Variants in POU6F2 observed in about 807,000 individuals in gnomAD.
POU6F2 encodes the protein POU domain, class 6, transcription factor 2.
A neutral mutation model predicts 71.3 loss-of-function variants in POU6F2; 31 were observed. That is an observed-to-expected ratio of 0.43 (90% CI 0.33 to 0.59). The LOEUF (loss-of-function observed/expected upper bound fraction) is 0.59. Ranked by LOEUF, POU6F2 falls within the 20% of genes least tolerant of loss-of-function variation. The pLI is 0.04. For missense variants in POU6F2, 783 were observed against 856.8 expected (o/e 0.91, Z 1.07); for synonymous variants, 347 against 355.7 (o/e 0.98, Z 0.27).
At chr7:39,416,512 G>T (rs1485569124) in intron 6 of POU6F2, among the ~76,000 whole-genome samples, 1 of 152,194 alleles carries the variant, frequency 6.6e-6, no homozygotes, top group African/African-American at 2.4e-5. Flanking sequence ...ACACAGCACA[G>T]TGATGTTAGA....
At chr7:39,072,955 C>T (rs1790914006) in intron 1 of POU6F2, among the ~76,000 whole-genome samples, 1 of 152,128 alleles carries the variant, frequency 6.6e-6, no homozygotes, top group Non-Finnish European at 1.5e-5. Context: ...AATGTTATTA[C>T]TGTGAAAGTA....
chr7:39,077,188 T>A (rs1042940083), intron 1 of POU6F2, among the ~76,000 whole-genome samples: 5 of 152,248 alleles, frequency 3.3e-5, no homozygotes, highest in African/African-American at 1.2e-4. Context: ...CTCATATTGA[T>A]GCTTTTTCAT....
intron 1 of POU6F2, among the ~76,000 whole-genome samples, chr7:38,979,398 T>C (rs1788258737): frequency 6.6e-6 from 1 of 152,200 alleles, no homozygotes; most frequent in South Asian, 2.1e-4. Context: ...TAATGTATTT[T>C]TAGATGGAAA....
intron 2 of POU6F2, among the ~76,000 whole-genome samples, chr7:39,176,539 C>G (rs192328621): frequency 6.6e-6 from 1 of 152,094 alleles, no homozygotes; most frequent in South Asian, 2.1e-4. Context: ...AGGGGAGAAG[C>G]GTGTCTTTTC....
Position 39,464,962 on chromosome 7 carries a change from C to T in POU6F2, c.*276C>T, listed in dbSNP as rs929965874. 2.4e-5 allele frequency: 9 copies of T among 377,474 alleles called. No homozygotes were observed. The highest frequency in any genetic ancestry group is 4.2e-5 in the Non-Finnish European group (9 of 212,866). The allele number at this position is 377,474 out of a possible 1,614,324, so 23.4% of individuals were successfully genotyped here. A position where few individuals can be genotyped will look rare whatever the true frequency, so the allele number is the denominator to read the frequency against. ...TGTGTGTGGTAGGATAGTTCCCTTCCCCCACCTGTCTCCCCCAAAGCCAGT... is the reference window on the plus strand; with the variant it reads ...TGTGTGTGGTAGGATAGTTCCCTTCTCCCACCTGTCTCCCCCAAAGCCAGT... On this transcript the variant is annotated 3_prime_UTR_variant, in exon 10 of 10. Transcript: ENST00000518318. The surrounding 1 kb of genome is among the most constrained non-coding windows in gnomAD (Gnocchi z 4.1).
chr7:39,011,206 T>C (rs1287351989), intron 1 of POU6F2, among the ~76,000 whole-genome samples: 2 of 143,154 alleles, frequency 1.4e-5, no homozygotes, highest in African/African-American at 5.2e-5. Context: ...ATCTGGGTGC[T>C]CCTGTATTGG....
chr7:39,261,743 G>A (rs1414834094), intron 4 of POU6F2, among the ~76,000 whole-genome samples: 2 of 152,138 alleles, frequency 1.3e-5, no homozygotes, highest in Admixed American at 6.5e-5. Context: ...TTTCATCTCC[G>A]TAGTTCTGTG....
chr7:39,231,593 C>A (rs1794575600), intron 4 of POU6F2, among the ~76,000 whole-genome samples: 1 of 152,102 alleles, frequency 6.6e-6, no homozygotes. Context: ...TCCATCCTTT[C>A]TTAGAGTTAA....
intron 5 of POU6F2, among the ~76,000 whole-genome samples, chr7:39,357,972 GAGAA>G (rs1233640492): frequency 6.6e-6 from 1 of 152,150 alleles, no homozygotes; most frequent in African/African-American, 2.4e-5. Flanking sequence ...TGAATTTTGA[GAGAA>G]AGAGAGAGAG....
In POU6F2 at chr7:39,464,756, A is replaced by G. The variant is rs1789030757; in HGVS notation, c.*70A>G. The G allele has an allele frequency of 1.4e-6, 2 of 1,434,930 alleles. No homozygotes were observed. The highest frequency in any genetic ancestry group is 2.6e-5 in the Admixed American group (1 of 38,974). 88.9% of individuals were successfully genotyped at this position (1,434,930 alleles called of 1,614,324 possible). On this transcript the variant is annotated 3_prime_UTR_variant, in exon 10 of 10. Transcript: ENST00000518318. This position sits in a 1 kb window ranked among gnomAD's most constrained non-coding sequence, Gnocchi z 4.1. Reference sequence around the variant, plus strand: ...ACTCCACCCTTGGGACTCCACAACAACAACAACAACAAAATTTAATTTAAT... The same window carrying G: ...ACTCCACCCTTGGGACTCCACAACAGCAACAACAACAAAATTTAATTTAAT...
intron 4 of POU6F2, among the ~76,000 whole-genome samples, chr7:39,251,524 C>T (rs1456289384): frequency 6.6e-6 from 1 of 152,146 alleles, no homozygotes. Flanking sequence ...ATGCAGTAAG[C>T]TTTCTTGTTA....
At chr7:39,232,846 A>G (rs2128750247) in intron 4 of POU6F2, among the ~76,000 whole-genome samples, 1 of 152,336 alleles carries the variant, frequency 6.6e-6, no homozygotes, top group East Asian at 1.9e-4. Context: ...ATCAATTTCC[A>G]TGGCATTAAA....
intron 4 of POU6F2, among the ~76,000 whole-genome samples, chr7:39,336,659 C>A (rs542301783): frequency 2.6e-5 from 4 of 152,294 alleles, no homozygotes; most frequent in South Asian, 4.1e-4. Context: ...CTCCAGCTCC[C>A]AGACATACCT....
chr7:39,423,710 C>T (rs969668101), intron 6 of POU6F2, among the ~76,000 whole-genome samples: 1 of 152,094 alleles, frequency 6.6e-6, no homozygotes, highest in Admixed American at 6.5e-5. Context: ...AATACATTTC[C>T]CAGGAGAAGA....
intron 2 of POU6F2, among the ~76,000 whole-genome samples, chr7:39,126,994 TA>T (rs1225276376): frequency 1.3e-5 from 2 of 152,174 alleles, no homozygotes; most frequent in African/African-American, 4.8e-5. Flanking sequence ...GTAGCCACAT[TA>T]AAAAAATAAC....
intron 4 of POU6F2, among the ~76,000 whole-genome samples, chr7:39,231,999 A>G (rs531929122): frequency 6.6e-6 from 1 of 152,352 alleles, no homozygotes; most frequent in African/African-American, 2.4e-5. Context: ...AGCCATTTCA[A>G]AACAAGTACA....
At chr7:39,397,315 GTA>G (rs1787192350) in intron 5 of POU6F2, among the ~76,000 whole-genome samples, 1 of 51,062 alleles carries the variant, frequency 2.0e-5, no homozygotes, top group African/African-American at 7.9e-5. Flanking sequence ...AGATTGTAAA[GTA>G]TATATATTAT....
At chr7:39,056,662 CTGTGTGTGTGTGTGTATGTGTGTG>C (rs1790530172) in intron 1 of POU6F2, among the ~76,000 whole-genome samples, 1 of 113,330 alleles carries the variant, frequency 8.8e-6, no homozygotes, top group South Asian at 3.2e-4. Context: ...CTCTCTCTCT[CTGTGTGTGTGTGTGTATGTGTGTG>C]TGTGTGTGTG....
chr7:39,325,226 G>C (rs1295116174), intron 4 of POU6F2, among the ~76,000 whole-genome samples: 1 of 152,150 alleles, frequency 6.6e-6, no homozygotes, highest in African/African-American at 2.4e-5. Flanking sequence ...TGTAGCTTAA[G>C]AGACAGTATT....
Sources: gnomAD v4.1 joint callset for allele counts (sites outside exome capture counted in the v4.1 genomes callset) on GRCh38, gnomAD v4.1.1 for gene constraint, Gnocchi (gnomAD v3.1) non-coding constraint, MANE v1.5 for transcripts, NCBI Gene and HGNC (gene_info 2026-07-23, HGNC 2026-07-21) for gene names.